TMEM245: variants seen among roughly 807,000 people sequenced by gnomAD.
TMEM245 encodes the protein transmembrane protein 245, also known as protein CG-2.
In TMEM245, 69 loss-of-function variants were observed where a neutral mutation model predicts 101.2. The observed-to-expected ratio is 0.68, with a 90% CI of 0.56 to 0.83. TMEM245 has a LOEUF of 0.83. TMEM245 is among the 40% of genes least tolerant of loss of function. TMEM245 has a pLI of 0.00. For synonymous variants in TMEM245, 537 were observed against 449.8 expected (o/e 1.19, Z -2.45); for missense variants, 1,075 against 1,092.8 (o/e 0.98, Z 0.23).
intron 1 of TMEM245, among the ~76,000 whole-genome samples, chr9:109,116,397 A>T (rs1259784482): frequency 6.6e-6 from 1 of 152,012 alleles, no homozygotes; most frequent in East Asian, 1.9e-4. Context: ...ATTTTAAAAG[A>T]CTGGGGGTGG....
Position 109,080,871 on chromosome 9 carries a change from T to C in TMEM245, c.1417A>G (p.Thr473Ala), listed in dbSNP as rs1266911374. The C allele has an allele frequency of 1.6e-5, 25 of 1,607,574 alleles. No individual in the cohort carries two copies. The highest frequency in any genetic ancestry group is 2.1e-5 in the Non-Finnish European group (25 of 1,175,004). The change falls in exon 8 of 18, where the codon ACT (threonine) becomes GCT (alanine). Residue 473 changes from threonine (T) to alanine (A), a missense_variant. This residue lies in a region of TMEM245 where 808 missense variants were observed against 741.5 expected (regional missense o/e 1.09). Transcript: ENST00000374586. Reference protein sequence around the residue: ...IFIIFLLVIGTLLLALLLTAK... With the variant: ...IFIIFLLVIGALLLALLLTAK... Reference sequence around the variant, plus strand: ...GTCAGGAGTAGGGCTAAAAGAAGAGTTCCTATCACTAACAAAAATATGATG... The same window carrying C: ...GTCAGGAGTAGGGCTAAAAGAAGAGCTCCTATCACTAACAAAAATATGATG...
At chr9:109,037,934 G>T in intron 15 of TMEM245, 83 bp downstream of exon 15, 1 of 1,139,014 alleles carries the variant, frequency 8.8e-7, no homozygotes, top group Non-Finnish European at 1.2e-6. Flanking sequence ...TAAACTTGAG[G>T]AAGTAGACAT....
chr9:109,033,103 T>C (rs1025427045), intron 17 of TMEM245, among the ~76,000 whole-genome samples: 1 of 152,288 alleles, frequency 6.6e-6, no homozygotes, highest in East Asian at 1.9e-4. Context: ...CCGGCCCCAA[T>C]ATAGGTTTTA....
At chr9:109,065,920 T>C (rs1245781082) in intron 9 of TMEM245, among the ~76,000 whole-genome samples, 1 of 152,120 alleles carries the variant, frequency 6.6e-6, no homozygotes, top group East Asian at 1.9e-4. Context: ...ACAGCAACTT[T>C]ATGTGCTGTG....
At chr9:109,105,819 G>A (rs1830397461) in intron 3 of TMEM245, among the ~76,000 whole-genome samples, 2 of 152,016 alleles carry the variant, frequency 1.3e-5, no homozygotes, top group Admixed American at 1.3e-4. Flanking sequence ...TTGCCAGGCT[G>A]GAGTGCAGTG....
chr9:109,088,569 G>A lies in TMEM245; in HGVS notation c.1151-1227C>T, dbSNP rs1427630271. Among the ~76,000 whole-genome samples, 5 of 151,732 alleles carry A rather than the reference G, an allele frequency of 3.3e-5. No individual in the cohort carries two copies. The East Asian group carries it at 7.7e-4, about 23-fold the overall frequency. ...ACAGGGCCGGGCACAGTGGCTCAAC[G>A]CCTGTAATCCCAGGCCGAGGCGGGC... On this transcript the variant is annotated intron_variant, in intron 5 of 17. Transcript: ENST00000374586.
chr9:109,051,837 T>C (rs1031065257), intron 12 of TMEM245, among the ~76,000 whole-genome samples: 11 of 152,186 alleles, frequency 7.2e-5, no homozygotes, highest in Non-Finnish European at 1.5e-4. Context: ...ACCCTTGCCA[T>C]TTCCAACTTA....
chr9:109,101,699 T>C (rs1218299312), intron 3 of TMEM245, among the ~76,000 whole-genome samples: 1 of 152,234 alleles, frequency 6.6e-6, no homozygotes. Context: ...ACTCAACATT[T>C]ATTCTGTGTG....
rs533808814 is a variant in TMEM245 at position 109,034,346 on chromosome 9, A to G, written c.2400-845T>C. ...AGTCTTCAGGAAACCAATAAATTAT[A>G]TTCATAATGTGTTTGTCTTTCTCAT... On this transcript the variant is annotated intron_variant, in intron 16 of 17. Transcript: ENST00000374586. Among the ~76,000 whole-genome samples, 87 of 152,354 alleles carry G rather than the reference A, an allele frequency of 5.7e-4. No individual in the cohort carries two copies. The South Asian group carries it at 0.018, about 31-fold the overall frequency.
intron 12 of TMEM245, among the ~76,000 whole-genome samples, chr9:109,050,940 A>C (rs554984372): frequency 6.6e-6 from 1 of 152,174 alleles, no homozygotes; most frequent in East Asian, 1.9e-4. Context: ...CACTGTTATA[A>C]CATGGGAAAA....
At chr9:109,046,250 T>C (rs772592092) in intron 14 of TMEM245, 3 of 534,432 alleles carry the variant, frequency 5.6e-6, no homozygotes, top group Admixed American at 1.9e-5. Context: ...ACACACTAAA[T>C]TGCATTGAGG....
At chr9:109,109,659 A>C (rs192300841) in intron 1 of TMEM245, among the ~76,000 whole-genome samples, 187 of 152,272 alleles carry the variant, frequency 1.2e-3, no homozygotes, top group African/African-American at 4.3e-3. Flanking sequence ...AATAATGATA[A>C]ATTTTGAAAA....
intron 1 of TMEM245, among the ~76,000 whole-genome samples, chr9:109,116,376 C>T (rs1473617474): frequency 6.6e-6 from 1 of 152,082 alleles, no homozygotes; most frequent in South Asian, 2.1e-4. Flanking sequence ...TTAATCTGCA[C>T]TTTCTTTCTT....
chr9:109,028,356 T>G (rs1016506262), intron 17 of TMEM245, among the ~76,000 whole-genome samples: 11 of 150,588 alleles, frequency 7.3e-5, no homozygotes, highest in African/African-American at 2.7e-4. Context: ...CGGGAAGCTG[T>G]GGCGGGAGAA....
rs761907832 is a variant in TMEM245, at chr9:109,091,110, G to A, written c.962C>T (p.Pro321Leu). The A allele has an allele frequency of 3.1e-6, 5 of 1,614,056 alleles. No individual in the cohort carries two copies. In the East Asian group the frequency reaches 8.9e-5, roughly 29 times the overall value. Residue 321 changes from proline to leucine, a missense_variant, in exon 5 of 18, where the codon CCT (proline) becomes CTT (leucine). Transcript: ENST00000374586. ...GESAPTLSTS[P>L]SPSSPSPTSP... Reference sequence around the variant, plus strand: ...AGTGGGTGAAGGGGAGGAGGGTGAAGGGGAGGTGGACAACGTTGGAGCGGA... The same window carrying A: ...AGTGGGTGAAGGGGAGGAGGGTGAAAGGGAGGTGGACAACGTTGGAGCGGA...
At chr9:109,103,819 C>T (rs1208305121) in intron 3 of TMEM245, among the ~76,000 whole-genome samples, 1 of 152,186 alleles carries the variant, frequency 6.6e-6, no homozygotes, top group East Asian at 1.9e-4. Flanking sequence ...GGCGTGGTGG[C>T]TCATGCCTGT....
intron 14 of TMEM245, 104 bp downstream of exon 14, chr9:109,050,179 C>G: frequency 7.7e-7 from 1 of 1,301,368 alleles, no homozygotes. Context: ...GAGTCCATCA[C>G]GAGTTTAGCA....
chr9:109,060,504 G>C, intron 10 of TMEM245, 52 bp from the exon 11 acceptor site: 1 of 1,290,276 alleles, frequency 7.8e-7, no homozygotes, highest in Non-Finnish European at 1.1e-6. Context: ...CAACAACAGA[G>C]TAAAATTAAT....
At chr9:109,106,726 A>C (rs1830434761) in intron 2 of TMEM245, 117 bp from the exon 3 acceptor site, 1 of 643,706 alleles carries the variant, frequency 1.6e-6, no homozygotes. Flanking sequence ...TTACAGAATT[A>C]CTTATCAGGC....
Sources: allele counts gnomAD v4.1 joint callset (sites outside exome capture counted in the v4.1 genomes callset), GRCh38; gene constraint gnomAD v4.1.1; regional missense constraint gnomAD v4.1.1; transcripts MANE v1.5; gene names NCBI Gene and HGNC (gene_info 2026-07-23, HGNC 2026-07-21).